The following MYL10 variants were observed in gnomAD, a reference collection of about 807,000 sequenced individuals.
MYL10 encodes the protein myosin light chain 10.
MYL10 carries 18 observed loss-of-function variants against 21.9 expected under a neutral mutation model. The observed-to-expected ratio is 0.82, with a 90% CI of 0.57 to 1.22. MYL10 has a LOEUF of 1.22. MYL10 is among the 50% of genes most tolerant of loss of function. MYL10 has a pLI of 0.00. For missense variants in MYL10, 225 were observed against 230.4 expected, an observed-to-expected ratio of 0.98 and a Z score of 0.15; for synonymous variants, 88 against 82.8, an observed-to-expected ratio of 1.06 and a Z score of -0.34.
rs60752793 is a variant in MYL10 at position 101,619,889 on chromosome 7, C to CA, written c.454+2206dup. ...TGGGTGACAGAGCAAGACTCCGTCT[C>CA]AAAAAAAAAAAAAAAAAAGATATGT... On this transcript the variant is annotated intron_variant, in intron 5 of 7. Coordinates refer to ENST00000223167, the MANE Select transcript of MYL10 (RefSeq NM_138403.5). Among the ~76,000 whole-genome samples the CA allele has an allele frequency of 7.7e-3, 795 of 102,604 alleles. 59 individuals carry two copies. The highest frequency in any genetic ancestry group is 0.027 in the African/African-American group (664 of 24,664). 67.3% of individuals were successfully genotyped at this position (102,604 alleles called of 152,430 possible).
At position 101,616,146 on chromosome 7, in the gene MYL10, G is replaced by A. The variant is rs1796606691; in HGVS notation, c.533+74C>T. ...TGGCTTCTGGGAGAGGAGACTGGGC[G>A]ACCATCCACCCTGACCCCAGCCCAA... is the stretch of plus-strand genomic sequence containing the variant. On this transcript the variant is annotated intron_variant, in intron 6 of 7. Transcript: ENST00000223167. The A allele has an allele frequency of 1.5e-5, 19 of 1,297,772 alleles. 1 individual carries two copies. The highest frequency in any genetic ancestry group is 3.7e-5 in the South Asian group (3 of 80,600). The allele number at this position is 1,297,772 out of a possible 1,614,324, so 80.4% of individuals were successfully genotyped here. A position where few individuals can be genotyped will look rare whatever the true frequency, so the allele number is the denominator to read the frequency against.
chr7:101,629,112 G>A lies in MYL10; in HGVS notation c.7C>T (p.Leu3Phe), dbSNP rs904566103. Reference protein sequence around the residue: MLLRLVSNSWPQV... With the variant: MLFRLVSNSWPQV... ...GGCCAGGAGTTTGAGACCAGCCTAA[G>A]CAACATGGTGAAACTCTGTTTCTAC... Residue 3 changes from leucine (L) to phenylalanine (F), a missense_variant, in exon 1 of 8, where the codon CTT becomes TTT. By Grantham distance (22) the Leu-to-Phe change is conservative (BLOSUM62 0). Coordinates refer to ENST00000223167, the MANE Select transcript of MYL10 (RefSeq NM_138403.5). 2.4e-5 allele frequency: 9 copies of A among 367,712 alleles called. No individual in the cohort carries two copies. The highest frequency in any genetic ancestry group is 1.1e-4 in the South Asian group (6 of 52,894). The allele number at this position is 367,712 out of a possible 1,614,324, so 22.8% of individuals were successfully genotyped here.
At chr7:101,623,174 GC>G (rs2130742108) in intron 3 of MYL10, 102 bp from the exon 4 acceptor site, 1 of 1,074,922 alleles carries the variant, frequency 9.3e-7, no homozygotes, top group Non-Finnish European at 1.4e-6. Flanking sequence ...GAGCCTCGGG[GC>G]AGGTCCCTCT....
rs111291455 is a variant in MYL10, at chr7:101,616,496, A to G, written c.455-198T>C. On this transcript the variant is annotated intron_variant, in intron 5 of 7. Coordinates refer to ENST00000223167, the MANE Select transcript of MYL10 (RefSeq NM_138403.5). ...CACTTGAAGCAAGAACAAGGAGGGAAACAGGTAATTGTAATCATAGACAAG... is the reference window on the plus strand; with the variant it reads ...CACTTGAAGCAAGAACAAGGAGGGAGACAGGTAATTGTAATCATAGACAAG... Among the ~76,000 whole-genome samples the G allele has an allele frequency of 2.6e-3, 393 of 152,344 alleles. 3 individuals are homozygous for G. Among genetic ancestry groups the G allele is most frequent in the African/African-American group, 8.7e-3 (363 of 41,576 alleles).
At chr7:101,626,629 C>T (rs2130745303) in intron 1 of MYL10, among the ~76,000 whole-genome samples, 1 of 152,250 alleles carries the variant, frequency 6.6e-6, no homozygotes, top group Non-Finnish European at 1.5e-5. Flanking sequence ...ACAGGGGGAC[C>T]TCGGAGCTCC....
intron 4 of MYL10, 59 bp downstream of exon 4, chr7:101,622,938 A>T: frequency 2.0e-6 from 3 of 1,529,798 alleles, no homozygotes; most frequent in East Asian, 4.5e-5. Flanking sequence ...GCTGGCCCCA[A>T]CCGCCCACTC....
intron 6 of MYL10, among the ~76,000 whole-genome samples, chr7:101,614,776 A>T (rs1796589334): frequency 6.6e-6 from 1 of 151,962 alleles, no homozygotes; most frequent in Non-Finnish European, 1.5e-5. Flanking sequence ...GACGGGACAG[A>T]CCCTCTCCAC....
At chr7:101,625,585 G>A (rs1323845570) in intron 1 of MYL10, among the ~76,000 whole-genome samples, 9 of 132,784 alleles carry the variant, frequency 6.8e-5, no homozygotes, top group Non-Finnish European at 9.6e-5. Flanking sequence ...CCCCACCCCC[G>A]CCCAGGAGCC....
rs752446092 is a variant in MYL10, at chr7:101,624,172, C to T, written c.171G>A (p.Glu57=). The T allele has an allele frequency of 1.9e-6, 3 of 1,605,542 alleles. No individual in the cohort carries two copies. The highest frequency in any genetic ancestry group is 2.6e-6 in the Non-Finnish European group (3 of 1,173,698). ...FDQSQIQEFK[E]SLALSPRLER... is the part of the protein sequence containing the mutation. Reference sequence around the variant, plus strand: ...CAGCCCCATGGGGCAGCAGACCAACCTCTTTAAACTCCTGGATCTGGGACT... The same window carrying T: ...CAGCCCCATGGGGCAGCAGACCAACTTCTTTAAACTCCTGGATCTGGGACT... The change falls in exon 2 of 8, where the codon GAG becomes GAA. Residue 57 remains glutamate, a splice_region_variant and synonymous_variant. Coordinates refer to ENST00000223167, the MANE Select transcript of MYL10 (RefSeq NM_138403.5).
At chr7:101,620,308 G>A (rs930220655) in intron 5 of MYL10, among the ~76,000 whole-genome samples, 2 of 152,166 alleles carry the variant, frequency 1.3e-5, no homozygotes, top group South Asian at 4.1e-4. Flanking sequence ...CTGGGCAACA[G>A]AGTGAGACTC....
intron 6 of MYL10, 38 bp from the exon 7 acceptor site, chr7:101,613,748 G>T: frequency 1.0e-5 from 16 of 1,606,546 alleles, no homozygotes; most frequent in Non-Finnish European, 1.3e-5. Flanking sequence ...TCAGGGAACG[G>T]GATACCCAGC....
intron 5 of MYL10, among the ~76,000 whole-genome samples, chr7:101,617,169 C>T (rs1796618638): frequency 6.6e-6 from 1 of 152,212 alleles, no homozygotes; most frequent in African/African-American, 2.4e-5. Flanking sequence ...GGGGGTGCCC[C>T]CTTCCTTTCT....
chr7:101,622,470 G>A (rs1212238890), intron 4 of MYL10, among the ~76,000 whole-genome samples: 2 of 152,138 alleles, frequency 1.3e-5, no homozygotes, highest in Non-Finnish European at 1.5e-5. Flanking sequence ...TGAGGTGCAC[G>A]GGGGCTGCAG....
Position 101,613,422 on chromosome 7 carries a change from A to G in MYL10, c.*53T>C. On this transcript the variant is annotated 3_prime_UTR_variant, in exon 8 of 8. Coordinates refer to ENST00000223167, the MANE Select transcript of MYL10 (RefSeq NM_138403.5). ...CCTCTGGCTGCAAGAGCTCCCTGTC[A>G]CACCCCACAACAGTGTTTGCTGCCC... The G allele has an allele frequency of 3.3e-6, 5 of 1,496,478 alleles. No homozygotes were observed. The highest frequency in any genetic ancestry group is 4.7e-6 in the Non-Finnish European group (5 of 1,073,094). The allele number at this position is 1,496,478 out of a possible 1,614,324, so 92.7% of individuals were successfully genotyped here.
chr7:101,621,591 GGTT>G (rs35666299), intron 5 of MYL10, among the ~76,000 whole-genome samples: 50,955 of 151,144 alleles, frequency 0.34, 9,339 homozygotes, highest in East Asian at 0.66. Flanking sequence ...TAGTTTTTAT[GGTT>G]GTTGTTGTTG....
chr7:101,624,120 T>C (rs1055197654), intron 2 of MYL10, 52 bp downstream of exon 2: 8 of 1,123,344 alleles, frequency 7.1e-6, no homozygotes, highest in Non-Finnish European at 1.1e-5. Context: ...CTTGAGCAAC[T>C]GGCATGCATT....
At chr7:101,619,419 C>T (rs925303032) in intron 5 of MYL10, among the ~76,000 whole-genome samples, 6 of 152,206 alleles carry the variant, frequency 3.9e-5, no homozygotes, top group African/African-American at 1.2e-4. Context: ...ATCTCTCGCA[C>T]CCAGGCTGAT....
intron 6 of MYL10, among the ~76,000 whole-genome samples, chr7:101,615,087 C>G (rs530765791): frequency 3.9e-4 from 59 of 152,268 alleles, no homozygotes; most frequent in African/African-American, 1.4e-3. Flanking sequence ...TGGGGCACCC[C>G]TACCCTCATG....
chr7:101,622,304 C>G (rs947174887), intron 4 of MYL10, 104 bp from the exon 5 acceptor site: 8 of 844,522 alleles, frequency 9.5e-6, no homozygotes, highest in South Asian at 3.6e-5. Context: ...ACGTGCCCCC[C>G]ACTCAGCCCT....
Sources: gnomAD v4.1 joint callset for allele counts (sites outside exome capture counted in the v4.1 genomes callset) on GRCh38, gnomAD v4.1.1 for gene constraint, MANE v1.5 for transcripts, NCBI Gene and HGNC (gene_info 2026-07-23, HGNC 2026-07-21) for gene names.